The following PCDH15 variants were observed in gnomAD, a reference collection of about 807,000 sequenced individuals.
PCDH15 encodes the protein protocadherin-15.
Under a neutral mutation model 178.5 loss-of-function variants are expected in PCDH15, and 129 were observed. The ratio of observed to expected loss-of-function variants is 0.72; its 90% CI spans 0.63 to 0.84. PCDH15 has a LOEUF of 0.84. Ranked by LOEUF, PCDH15 falls within the 40% of genes least tolerant of loss-of-function variation. The pLI is 0.00. For synonymous variants in PCDH15, 800 were observed against 732.0 expected (o/e 1.09, Z -1.50); for missense variants, 2,230 against 2,099.9 (o/e 1.06, Z -1.21).
intron 13 of PCDH15, among the ~76,000 whole-genome samples, chr10:54,161,414 T>C (rs2045700517): frequency 6.6e-6 from 1 of 152,132 alleles, no homozygotes; most frequent in Admixed American, 6.6e-5. Context: ...GAGCATTGAC[T>C]ACAAGTGGTC....
At chr10:54,010,879 C>T (rs1392765296) in intron 20 of PCDH15, among the ~76,000 whole-genome samples, 1 of 152,148 alleles carries the variant, frequency 6.6e-6, no homozygotes, top group Non-Finnish European at 1.5e-5. Flanking sequence ...CTGCTAGTGG[C>T]TTTGTGTTTC....
intron 8 of PCDH15, among the ~76,000 whole-genome samples, chr10:54,239,887 T>C (rs1020558726): frequency 6.6e-6 from 1 of 152,132 alleles, no homozygotes; most frequent in Non-Finnish European, 1.5e-5. Context: ...ATGTGTATGA[T>C]TACCTCTCAA....
At chr10:54,824,267 G>A (rs539392385) in intron 3 of PCDH15, among the ~76,000 whole-genome samples, 1 of 152,048 alleles carries the variant, frequency 6.6e-6, no homozygotes, top group African/African-American at 2.4e-5. Context: ...ACTATTACAG[G>A]GGTTATTAAA....
chr10:54,647,189 A>G lies in PCDH15; in HGVS notation c.91+16983T>C, dbSNP rs1819952227. On this transcript the variant is annotated intron_variant, in intron 2 of 37. Coordinates refer to ENST00000644397, the MANE Select transcript of PCDH15 (RefSeq NM_001384140.1). ...CGGAAAGAAAATCCTGCAATATTTG[A>G]CAACATGGATAAACTTTGAAGACAT... 2.0e-5 allele frequency among the ~76,000 whole-genome samples: 3 copies of G among 152,132 alleles called. No homozygotes were observed. The South Asian group carries it at 6.2e-4, about 31-fold the overall frequency.
chr10:54,507,687 AG>A (rs1244548184), intron 3 of PCDH15, among the ~76,000 whole-genome samples: 2 of 152,018 alleles, frequency 1.3e-5, no homozygotes, highest in African/African-American at 2.4e-5. Flanking sequence ...AAATATAAAA[AG>A]GTAAGTAAGT....
In PCDH15 at chr10:54,277,116, A is replaced by G. The variant is rs368849252; in HGVS notation, c.876+40155T>C. Among the ~76,000 whole-genome samples, 18 of 151,692 alleles carry G rather than the reference A, an allele frequency of 1.2e-4. No individual in the cohort carries two copies. In the East Asian group the frequency reaches 1.6e-3, roughly 13 times the overall value. ...TCTCTTCCTGAGTCCCTCAGTGAGC[A>G]GACGTAGAGAAAAATACCCTAACTG... On this transcript the variant is annotated intron_variant, in intron 8 of 37. Transcript: ENST00000644397.
intron 18 of PCDH15, among the ~76,000 whole-genome samples, chr10:54,029,648 T>C (rs2093231400): frequency 6.6e-6 from 1 of 152,152 alleles, no homozygotes; most frequent in African/African-American, 2.4e-5. Context: ...AAGAAAAAAG[T>C]CAAGGGAATT....
At chr10:54,062,097 T>C (rs1911380) in intron 18 of PCDH15, among the ~76,000 whole-genome samples, 92,949 of 150,892 alleles carry the variant, frequency 0.62, 28,931 homozygotes, top group Middle Eastern at 0.77. Context: ...TGGTGGAGGT[T>C]GCCTGTAATC....
At chr10:55,574,780 G>C (rs1842467094) in intron 2 of PCDH15, among the ~76,000 whole-genome samples, 1 of 151,948 alleles carries the variant, frequency 6.6e-6, no homozygotes, top group Non-Finnish European at 1.5e-5. Context: ...GCTGCTGCAA[G>C]AACCTGAAAA....
intron 3 of PCDH15, among the ~76,000 whole-genome samples, chr10:54,811,619 C>T (rs568451779): frequency 1.6e-4 from 25 of 152,080 alleles, no homozygotes; most frequent in African/African-American, 5.8e-4. Context: ...TACAGCCATG[C>T]GCCACGACGC....
chr10:54,789,240 T>C (rs1951171089), intron 1 of PCDH15, among the ~76,000 whole-genome samples: 1 of 151,916 alleles, frequency 6.6e-6, no homozygotes, highest in African/African-American at 2.4e-5. Context: ...TATGTGTGAA[T>C]GTTATAAGTT....
chr10:54,777,336 C>T (rs1158475957), intron 1 of PCDH15, among the ~76,000 whole-genome samples: 2 of 152,076 alleles, frequency 1.3e-5, no homozygotes, highest in Non-Finnish European at 1.5e-5. Flanking sequence ...GAGATGCAGA[C>T]AGTTTCTACA....
chr10:54,260,984 C>G (rs917892056), intron 8 of PCDH15, among the ~76,000 whole-genome samples: 4 of 152,030 alleles, frequency 2.6e-5, no homozygotes, highest in African/African-American at 9.7e-5. Context: ...CAGTAATGAC[C>G]GCTGTTGGTT....
chr10:55,119,334 T>A (rs2132064382), intron 2 of PCDH15, among the ~76,000 whole-genome samples: 1 of 152,254 alleles, frequency 6.6e-6, no homozygotes, highest in South Asian at 2.1e-4. Flanking sequence ...TTTTCCTAGT[T>A]TTATTTTAAA....
intron 2 of PCDH15, among the ~76,000 whole-genome samples, chr10:54,906,141 G>A (rs1040753759): frequency 1.3e-5 from 2 of 151,996 alleles, no homozygotes; most frequent in Non-Finnish European, 1.5e-5. Context: ...ATCAAAAGGG[G>A]CTGGTTCAGA....
intron 2 of PCDH15, among the ~76,000 whole-genome samples, chr10:55,411,980 T>C (rs11818876): frequency 0.025 from 3,763 of 152,136 alleles, 162 homozygotes; most frequent in African/African-American, 0.085. Flanking sequence ...GTGGGAATGA[T>C]TGGCTATTTA....
intron 3 of PCDH15, among the ~76,000 whole-genome samples, chr10:54,500,569 G>C (rs114851035): frequency 0.079 from 12,025 of 152,052 alleles, 602 homozygotes; most frequent in African/African-American, 0.13. Flanking sequence ...GTGGTTCACA[G>C]GTGTAACCCC....
intron 1 of PCDH15, among the ~76,000 whole-genome samples, chr10:55,252,646 T>G (rs1210445432): frequency 6.6e-6 from 1 of 152,032 alleles, no homozygotes; most frequent in African/African-American, 2.4e-5. Context: ...TCTAAAATAT[T>G]AGTGAACCAA....
At chr10:53,907,263 T>C (rs1482742546) in intron 25 of PCDH15, 1 of 152,116 alleles carries the variant, frequency 6.6e-6, no homozygotes, top group Non-Finnish European at 1.5e-5. Flanking sequence ...TTTATCTCCT[T>C]GAGTACTTAC....
Sources: gnomAD v4.1 joint callset for allele counts (sites outside exome capture counted in the v4.1 genomes callset) on GRCh38, gnomAD v4.1.1 for gene constraint, MANE v1.5 for transcripts, NCBI Gene and HGNC (gene_info 2026-07-23, HGNC 2026-07-21) for gene names.